The following LHX2 variants were observed in gnomAD, a reference collection of about 807,000 sequenced individuals.
LHX2 encodes the protein LIM homeobox 2, also known as LIM/homeobox protein Lhx2.
A neutral mutation model predicts 33.0 loss-of-function variants in LHX2; 6 were observed. The ratio of observed to expected loss-of-function variants is 0.18; its 90% CI spans 0.10 to 0.36. The LOEUF (loss-of-function observed/expected upper bound fraction) is 0.36, where lower values mean the gene tolerates loss of function less well. Ranked by LOEUF, LHX2 falls within the 10% of genes least tolerant of loss-of-function variation. LHX2 has a pLI of 1.00. For missense variants in LHX2, 442 were observed against 586.2 expected, an observed-to-expected ratio of 0.75 and a Z score of 2.54; for synonymous variants, 292 against 253.1, an observed-to-expected ratio of 1.15 and a Z score of -1.46.
chr9:124,019,571 G>A (rs532894141), intron 3 of LHX2, among the ~76,000 whole-genome samples: 7 of 152,304 alleles, frequency 4.6e-5, no homozygotes, highest in African/African-American at 1.2e-4. Flanking sequence ...TGTGTCACCT[G>A]TAGTATTTGA....
intron 3 of LHX2, among the ~76,000 whole-genome samples, chr9:124,019,740 A>G (rs1351994629): frequency 6.6e-6 from 1 of 152,210 alleles, no homozygotes; most frequent in Non-Finnish European, 1.5e-5. Flanking sequence ...TGTTACGGGT[A>G]TGTGATGAGG....
chr9:124,025,260 G>A (rs967515941), intron 4 of LHX2, among the ~76,000 whole-genome samples: 4 of 152,102 alleles, frequency 2.6e-5, no homozygotes, highest in African/African-American at 7.2e-5. Context: ...GGCTAACACA[G>A]AGAAACCCCA....
rs1048119411 is a variant in LHX2, at chr9:124,033,179, A to G, written c.*472A>G. On this transcript the variant is annotated 3_prime_UTR_variant, in exon 5 of 5. Coordinates refer to ENST00000373615, the MANE Select transcript of LHX2 (RefSeq NM_004789.4). ...TCCTAAAAAGAAAAAAAGAAAAAAAAAAAAGGAAAAATCAAACCCCCTCCA... is the reference window on the plus strand; with the variant it reads ...TCCTAAAAAGAAAAAAAGAAAAAAAGAAAAGGAAAAATCAAACCCCCTCCA... 1.3e-5 allele frequency: 2 copies of G among 152,872 alleles called. No homozygotes were observed. Among genetic ancestry groups the G allele is most frequent in the South Asian group, 4.1e-4 (2 of 4,832 alleles). The allele number at this position is 152,872 out of a possible 1,614,324, so 9.5% of individuals were successfully genotyped here. A position where few individuals can be genotyped will look rare whatever the true frequency, so the allele number is the denominator to read the frequency against.
intron 3 of LHX2, among the ~76,000 whole-genome samples, chr9:124,018,539 C>T (rs935058465): frequency 2.6e-5 from 4 of 152,170 alleles, no homozygotes; most frequent in African/African-American, 9.7e-5. Flanking sequence ...CCCCTTTTCT[C>T]TACTCCCCCG....
chr9:124,012,325 C>T lies in LHX2; in HGVS notation c.-24C>T, dbSNP rs760154535. ...AGCCCTCCCTCGGAGGAGCCGCGCC[C>T]CCGGCCCCGCCGGTCCCGCCGCGAT... On this transcript the variant is annotated 5_prime_UTR_variant, in exon 1 of 5. Transcript: ENST00000373615. This position sits in a 1 kb window ranked among gnomAD's most constrained non-coding sequence, Gnocchi z 4.3. The T allele has an allele frequency of 3.2e-5, 47 of 1,485,918 alleles. No individual in the cohort carries two copies. The highest frequency in any genetic ancestry group is 3.2e-5 in the Non-Finnish European group (36 of 1,123,678). 92.0% of individuals were successfully genotyped at this position (1,485,918 alleles called of 1,614,324 possible).
rs972390767 is a variant in LHX2 at position 124,022,325 on chromosome 9, G to A, written c.933+1021G>A. Among the ~76,000 whole-genome samples, 3 of 152,214 alleles carry A rather than the reference G, an allele frequency of 2.0e-5. No individual in the cohort carries two copies. The East Asian group carries it at 5.8e-4, about 29-fold the overall frequency. Reference sequence around the variant, plus strand: ...ACACTTCGTTGCTCAGTGGATGGTAGCCAATAACAGCATTAACTAGATTCA... The same window carrying A: ...ACACTTCGTTGCTCAGTGGATGGTAACCAATAACAGCATTAACTAGATTCA... On this transcript the variant is annotated intron_variant, in intron 4 of 4. Transcript: ENST00000373615.
At position 124,012,490 on chromosome 9, in the gene LHX2, C is replaced by A; in HGVS notation, c.120+22C>A. On this transcript the variant is annotated intron_variant, in intron 1 of 4. Coordinates refer to ENST00000373615, the MANE Select transcript of LHX2 (RefSeq NM_004789.4). The surrounding 1 kb of genome is among the most constrained non-coding windows in gnomAD (Gnocchi z 4.3). Reference sequence around the variant, plus strand: ...GACGGTAGGCGCGCGGCTGTGGGGTCGGGGCTGAGAGCTGGGATGGGGCCG... The same window carrying A: ...GACGGTAGGCGCGCGGCTGTGGGGTAGGGGCTGAGAGCTGGGATGGGGCCG... 1 of 1,530,714 alleles carries A rather than the reference C, an allele frequency of 6.5e-7. No individual in the cohort carries two copies. The highest frequency in any genetic ancestry group is 1.2e-5 in the South Asian group (1 of 82,716). The allele number at this position is 1,530,714 out of a possible 1,614,324, so 94.8% of individuals were successfully genotyped here.
Position 124,020,643 on chromosome 9 carries a change from G to T in LHX2, c.728-456G>T, listed in dbSNP as rs201220470. The stretch of plus-strand genomic sequence containing the variant: ...TGTCCAAAGTCAAGTGACTTCCCTT[G>T]CTGAGCCTCAGTTTCAACATCTGTA... On this transcript the variant is annotated intron_variant, in intron 3 of 4. Coordinates refer to ENST00000373615, the MANE Select transcript of LHX2 (RefSeq NM_004789.4). Among the ~76,000 whole-genome samples the T allele has an allele frequency of 1.1e-4, 17 of 152,164 alleles. No homozygotes were observed. The East Asian group carries it at 3.1e-3, about 28-fold the overall frequency.
chr9:124,025,857 C>T (rs1828612327), intron 4 of LHX2, among the ~76,000 whole-genome samples: 1 of 151,502 alleles, frequency 6.6e-6, no homozygotes, highest in African/African-American at 2.4e-5. Flanking sequence ...TGGTGGCGCA[C>T]ACCTGTAGTC....
rs1165531483 is a variant in LHX2, at chr9:124,032,650, C to A, written c.1164C>A (p.Asn388Lys). The change falls in exon 5 of 5, where the codon AAC becomes AAA. Residue 388 changes from asparagine to lysine, a missense_variant. Asn to Lys is a moderately conservative substitution (Grantham distance 94). Coordinates refer to ENST00000373615, the MANE Select transcript of LHX2 (RefSeq NM_004789.4). This position sits in a 1 kb window ranked among gnomAD's most constrained non-coding sequence, Gnocchi z 4.1. ...CCGTCTTAACTTCTGTGCCTGGCAA[C>A]CTGGAGGGCCATGAGCCTCACAGCC... ...VTSVLTSVPG[N>K]LEGHEPHSPS... The A allele has an allele frequency of 5.6e-6, 9 of 1,613,822 alleles. No homozygotes were observed. The South Asian group carries it at 8.8e-5, about 16-fold the overall frequency.
At chr9:124,027,209 A>G (rs1006528076) in intron 4 of LHX2, among the ~76,000 whole-genome samples, 1 of 152,238 alleles carries the variant, frequency 6.6e-6, no homozygotes, top group African/African-American at 2.4e-5. Flanking sequence ...AAAGTTTACA[A>G]AATACTAGAA....
At position 124,032,593 on chromosome 9, in the gene LHX2, C is replaced by T; in HGVS notation, c.1107C>T (p.Asp369=). The change falls in exon 5 of 5, where the codon GAC becomes GAT. Residue 369 remains aspartate, a synonymous_variant. Coordinates refer to ENST00000373615, the MANE Select transcript of LHX2 (RefSeq NM_004789.4). The surrounding 1 kb of genome is among the most constrained non-coding windows in gnomAD (Gnocchi z 4.1). ...SPSSTPTTLT[D]LTSPTLPTVT... Reference sequence around the variant, plus strand: ...CCAGCACGCCCACCACCCTGACAGACTTGACTAGCCCCACCCTGCCAACTG... The same window carrying T: ...CCAGCACGCCCACCACCCTGACAGATTTGACTAGCCCCACCCTGCCAACTG... The T allele has an allele frequency of 6.2e-7, 1 of 1,614,202 alleles. No individual in the cohort carries two copies. The highest frequency in any genetic ancestry group is 8.5e-7 in the Non-Finnish European group (1 of 1,180,030).
Position 124,015,081 on chromosome 9 carries a change from A to G in LHX2, c.324-41A>G, listed in dbSNP as rs1369323089. ...TGGAGGAGGAAAAGGGGGGTACCCA[A>G]CCGTGTGTTCCCACAGCCCCTCCCT... On this transcript the variant is annotated intron_variant, in intron 2 of 4. Transcript: ENST00000373615. This position sits in a 1 kb window ranked among gnomAD's most constrained non-coding sequence, Gnocchi z 7.9. 2 of 1,601,232 alleles carry G rather than the reference A, an allele frequency of 1.2e-6. No homozygotes were observed. The highest frequency in any genetic ancestry group is 4.5e-5 in the East Asian group (2 of 44,800).
rs1173826789 is a variant in LHX2 at position 124,016,948 on chromosome 9, C to T, written c.727+1423C>T. ...GGTCAACTTCCACTCGGAAGCACCT[C>T]GCGGGGCTCGGCTCCAGGGCACCTG... On this transcript the variant is annotated intron_variant, in intron 3 of 4. Coordinates refer to ENST00000373615, the MANE Select transcript of LHX2 (RefSeq NM_004789.4). The surrounding 1 kb of genome is among the most constrained non-coding windows in gnomAD (Gnocchi z 4.4). 6.6e-6 allele frequency among the ~76,000 whole-genome samples: 1 copy of T among 152,176 alleles called. No individual in the cohort carries two copies. The highest frequency in any genetic ancestry group is 1.5e-5 in the Non-Finnish European group (1 of 68,040).
chr9:124,013,349 C>T (rs1859126341), intron 1 of LHX2, among the ~76,000 whole-genome samples: 1 of 152,238 alleles, frequency 6.6e-6, no homozygotes, highest in African/African-American at 2.4e-5. Context: ...CTGTCCTTCA[C>T]CCACGGACTT....
chr9:124,014,972 G>C lies in LHX2; in HGVS notation c.324-150G>C. The stretch of plus-strand genomic sequence containing the variant: ...AGGACCAGGCCTGGGTCAAAATCTA[G>C]TTCTCTCTCCCCCCCATCCTCCAAA... On this transcript the variant is annotated intron_variant, in intron 2 of 4. Coordinates refer to ENST00000373615, the MANE Select transcript of LHX2 (RefSeq NM_004789.4). The surrounding 1 kb of genome is among the most constrained non-coding windows in gnomAD (Gnocchi z 4.8). The C allele has an allele frequency of 1.2e-6, 1 of 802,762 alleles. No individual in the cohort carries two copies. Among genetic ancestry groups the C allele is most frequent in the South Asian group, 1.8e-5 (1 of 57,070 alleles). The allele number at this position is 802,762 out of a possible 1,614,324, so 49.7% of individuals were successfully genotyped here. A position where few individuals can be genotyped will look rare whatever the true frequency, so the allele number is the denominator to read the frequency against.
chr9:124,029,981 A>G (rs1828686006), intron 4 of LHX2, among the ~76,000 whole-genome samples: 1 of 152,170 alleles, frequency 6.6e-6, no homozygotes. Context: ...CCCCCACCCC[A>G]GGGAAAGCAT....
At chr9:124,019,827 C>A (rs1042728050) in intron 3 of LHX2, among the ~76,000 whole-genome samples, 1 of 152,184 alleles carries the variant, frequency 6.6e-6, no homozygotes, top group African/African-American at 2.4e-5. Context: ...CAAGGCAAGA[C>A]CTTAAGTGTG....
At chr9:124,013,883 TG>T in intron 1 of LHX2, 77 bp from the exon 2 acceptor site, 2 of 1,373,490 alleles carry the variant, frequency 1.5e-6, no homozygotes, top group African/African-American at 1.4e-5. Flanking sequence ...GAGGGAGTTG[TG>T]GGTGCCGGTT....
Sources: gnomAD v4.1 joint callset for allele counts (sites outside exome capture counted in the v4.1 genomes callset) on GRCh38, gnomAD v4.1.1 for gene constraint, Gnocchi (gnomAD v3.1) non-coding constraint, MANE v1.5 for transcripts, NCBI Gene and HGNC (gene_info 2026-07-23, HGNC 2026-07-21) for gene names.